The following SGK2 variants were observed in gnomAD, a reference collection of about 807,000 sequenced individuals.
SGK2 encodes the protein serum/glucocorticoid regulated kinase 2.
SGK2 carries 36 observed loss-of-function variants against 47.5 expected under a neutral mutation model. That is an observed-to-expected ratio of 0.76 (90% CI 0.58 to 1.00). The LOEUF is 1.00. SGK2 is among the 50% of genes least tolerant of loss of function. The probability of loss-of-function intolerance (pLI) is 0.00; values close to 1 mark genes in which losing one functional copy is unlikely to be tolerated. For missense variants in SGK2, 404 were observed against 467.4 expected (o/e 0.86, Z 1.25); for synonymous variants, 157 against 181.9 (o/e 0.86, Z 1.10).
intron 1 of SGK2, among the ~76,000 whole-genome samples, chr20:43,562,136 A>G (rs1979423081): frequency 6.6e-6 from 1 of 152,076 alleles, no homozygotes; most frequent in Non-Finnish European, 1.5e-5. Flanking sequence ...GATACCAGCC[A>G]GGCGCAGTGG....
intron 12 of SGK2, among the ~76,000 whole-genome samples, chr20:43,582,271 T>A (rs1980843616): frequency 6.6e-6 from 1 of 152,094 alleles, no homozygotes; most frequent in Admixed American, 6.5e-5. Flanking sequence ...TAGCCCAGGC[T>A]GATCTTGAAC....
intron 1 of SGK2, chr20:43,566,120 A>C: frequency 2.0e-6 from 1 of 507,866 alleles, no homozygotes; most frequent in East Asian, 3.0e-5. Context: ...TTATGCCCTG[A>C]AAAGATCCTT....
chr20:43,585,117 G>A lies in SGK2; in HGVS notation c.*101G>A. ...CTCAAACTAACAATGGCTTCAACGA[G>A]AAGCAGGTTTATTTTTTCCAGCACA... On this transcript the variant is annotated 3_prime_UTR_variant, in exon 13 of 13. Coordinates refer to ENST00000373100, the MANE Select transcript of SGK2 (RefSeq NM_170693.3). 1.7e-6 allele frequency: 2 copies of A among 1,156,216 alleles called. No homozygotes were observed. Among genetic ancestry groups the A allele is most frequent in the South Asian group, 3.1e-5 (2 of 65,272 alleles). 71.6% of individuals were successfully genotyped at this position (1,156,216 alleles called of 1,614,324 possible).
At chr20:43,563,788 A>T (rs1041340236) in intron 1 of SGK2, among the ~76,000 whole-genome samples, 1 of 152,190 alleles carries the variant, frequency 6.6e-6, no homozygotes, top group Non-Finnish European at 1.5e-5. Context: ...TGTTCTGGGT[A>T]TGTGTTTTGT....
rs375329003 is a variant in SGK2 at position 43,567,085 on chromosome 20, G to A, written c.54G>A (p.Gly18=). 4.3e-5 allele frequency: 69 copies of A among 1,614,126 alleles called. No homozygotes were observed. The highest frequency in any genetic ancestry group is 5.5e-5 in the Non-Finnish European group (65 of 1,179,966). The part of the protein sequence containing the change: ...TPSPQPSRAN[G]NINLGPSANP... ...TTCTTTAGCCCTCCAGGGCCAATGGGAACATCAACCTGGGGCCTTCAGCCA... is the reference window on the plus strand; with the variant it reads ...TTCTTTAGCCCTCCAGGGCCAATGGAAACATCAACCTGGGGCCTTCAGCCA... The change falls in exon 3 of 13, where the codon GGG becomes GGA. Residue 18 remains glycine, a synonymous_variant. Coordinates refer to ENST00000373100, the MANE Select transcript of SGK2 (RefSeq NM_170693.3).
At chr20:43,577,882 T>G (rs1483590203) in intron 11 of SGK2, among the ~76,000 whole-genome samples, 1 of 151,786 alleles carries the variant, frequency 6.6e-6, no homozygotes, top group Admixed American at 6.6e-5. Flanking sequence ...TGACCTCAAG[T>G]GATCTGCCCG....
intron 2 of SGK2, 100 bp from the exon 3 acceptor site, chr20:43,566,968 C>T: frequency 1.1e-6 from 1 of 924,580 alleles, no homozygotes; most frequent in Non-Finnish European, 1.7e-6. Context: ...GGCAGGCAGG[C>T]CTAGTAGAGT....
chr20:43,572,636 C>T lies in SGK2; in HGVS notation c.597+499C>T, dbSNP rs1600993998. Reference sequence around the variant, plus strand: ...AGGTTGCAGTGAGCCAAGACTGTGCCACTGCACTCCAGCCTGGGCAACAAG... The same window carrying T: ...AGGTTGCAGTGAGCCAAGACTGTGCTACTGCACTCCAGCCTGGGCAACAAG... On this transcript the variant is annotated intron_variant, in intron 9 of 12. Coordinates refer to ENST00000373100, the MANE Select transcript of SGK2 (RefSeq NM_170693.3). The surrounding 1 kb of genome is among the most constrained non-coding windows in gnomAD (Gnocchi z 4.2). Among the ~76,000 whole-genome samples the T allele has an allele frequency of 6.6e-6, 1 of 152,028 alleles. No homozygotes were observed. Among genetic ancestry groups the T allele is most frequent in the African/African-American group, 2.4e-5 (1 of 41,380 alleles).
chr20:43,572,227 T>G lies in SGK2; in HGVS notation c.597+90T>G. On this transcript the variant is annotated intron_variant, in intron 9 of 12. Transcript: ENST00000373100. This position sits in a 1 kb window ranked among gnomAD's most constrained non-coding sequence, Gnocchi z 4.2. ...GCCAACAGGTTACAGTGAAGGGGAC[T>G]CACTCCTTTGACCCAAACACTTCTC... 1 of 987,658 alleles carries G rather than the reference T, an allele frequency of 1.0e-6. No individual in the cohort carries two copies. Among genetic ancestry groups the G allele is most frequent in the Non-Finnish European group, 1.6e-6 (1 of 640,902 alleles). The allele number at this position is 987,658 out of a possible 1,614,324, so 61.2% of individuals were successfully genotyped here. A position where few individuals can be genotyped will look rare whatever the true frequency, so the allele number is the denominator to read the frequency against.
At chr20:43,567,246 TTTCCCC>T in intron 3 of SGK2, 129 bp downstream of exon 3, 1 of 762,572 alleles carries the variant, frequency 1.3e-6, no homozygotes, top group Non-Finnish European at 2.3e-6. Flanking sequence ...GCCCAGGACC[TTTCCCC>T]AGCTCTATCT....
intron 6 of SGK2, 79 bp downstream of exon 6, chr20:43,569,595 A>G: frequency 1.3e-6 from 2 of 1,510,530 alleles, no homozygotes; most frequent in Non-Finnish European, 1.8e-6. Context: ...ACTGCATGCC[A>G]AGTTCTGGAA....
intron 8 of SGK2, 73 bp downstream of exon 8, chr20:43,571,133 T>G: frequency 4.4e-6 from 7 of 1,600,090 alleles, no homozygotes; most frequent in Non-Finnish European, 5.1e-6. Flanking sequence ...TATCTGACCA[T>G]GAGTCTGTGT....
rs1980689640 is a variant in SGK2, at chr20:43,579,962, C to A, written c.850-10C>A. ...TTCTAACCAGAACCTTTTTTCTGCA[C>A]TTCCTGCAGCTTGAGATTAAGAACC... On this transcript the variant is annotated splice_polypyrimidine_tract_variant and intron_variant, in intron 11 of 12. Coordinates refer to ENST00000373100, the MANE Select transcript of SGK2 (RefSeq NM_170693.3). The A allele has an allele frequency of 1.2e-6, 2 of 1,607,584 alleles. No homozygotes were observed. Among genetic ancestry groups the A allele is most frequent in the Non-Finnish European group, 1.7e-6 (2 of 1,174,216 alleles).
chr20:43,575,133 G>A (rs371592892), intron 10 of SGK2, 129 bp downstream of exon 10: 13 of 636,144 alleles, frequency 2.0e-5, no homozygotes, highest in African/African-American at 1.5e-4. Flanking sequence ...AAAAGATAAC[G>A]CCAAGGTGAA....
intron 5 of SGK2, 129 bp from the exon 6 acceptor site, chr20:43,569,256 G>C: frequency 8.5e-7 from 1 of 1,174,642 alleles, no homozygotes; most frequent in Non-Finnish European, 1.2e-6. Context: ...GCCATTGTGG[G>C]TGTTTGAGCA....
chr20:43,567,216 C>A, intron 3 of SGK2, 99 bp downstream of exon 3: 1 of 1,023,210 alleles, frequency 9.8e-7, no homozygotes, highest in Non-Finnish European at 1.5e-6. Flanking sequence ...GTCTAGCATT[C>A]AAGACTGTCT....
At position 43,585,238 on chromosome 20, in the gene SGK2, CT is replaced by C. The variant is rs1981025053; in HGVS notation, c.*224del. 1 of 359,542 alleles carries C rather than the reference CT, an allele frequency of 2.8e-6. No individual in the cohort carries two copies. Among genetic ancestry groups the C allele is most frequent in the African/African-American group, 2.0e-5 (1 of 49,034 alleles). The allele number at this position is 359,542 out of a possible 1,614,324, so 22.3% of individuals were successfully genotyped here. A position where few individuals can be genotyped will look rare whatever the true frequency, so the allele number is the denominator to read the frequency against. On this transcript the variant is annotated 3_prime_UTR_variant, in exon 13 of 13. Transcript: ENST00000373100. The stretch of plus-strand genomic sequence containing the variant: ...CTGCCCTGCCAACCTTGACAAATGG[CT>C]TCCAATGTTAGGTTTGCTACAAGAT...
intron 1 of SGK2, among the ~76,000 whole-genome samples, chr20:43,561,886 G>T (rs563806296): frequency 6.6e-6 from 1 of 152,182 alleles, no homozygotes; most frequent in African/African-American, 2.4e-5. Context: ...CTCAGGCAGG[G>T]CGGTTGCAGC....
chr20:43,569,455 G>A lies in SGK2; in HGVS notation c.299G>A (p.Arg100His), dbSNP rs367993196. The change falls in exon 6 of 13, where the codon CGC (arginine) becomes CAC (histidine). Residue 100 changes from arginine (R) to histidine (H), a missense_variant. Arg to His is a conservative substitution (Grantham distance 29). Coordinates refer to ENST00000373100, the MANE Select transcript of SGK2 (RefSeq NM_170693.3). ...NVRHPFLVGL[R>H]YSFQTPEKLY... The stretch of plus-strand genomic sequence containing the variant: ...CGGCACCCCTTCCTCGTGGGCCTGC[G>A]CTACTCCTTCCAGACACCTGAGAAG... 5.3e-5 allele frequency: 86 copies of A among 1,613,792 alleles called. No homozygotes were observed. Among genetic ancestry groups the A allele is most frequent in the South Asian group, 6.6e-5 (6 of 91,076 alleles).
Sources: gnomAD v4.1 joint callset for allele counts (sites outside exome capture counted in the v4.1 genomes callset) on GRCh38, gnomAD v4.1.1 for gene constraint, Gnocchi (gnomAD v3.1) non-coding constraint, MANE v1.5 for transcripts, NCBI Gene and HGNC (gene_info 2026-07-23, HGNC 2026-07-21) for gene names.